The following TMBIM6 variants were observed in gnomAD, a reference collection of about 807,000 sequenced individuals.
TMBIM6 encodes the protein transmembrane BAX inhibitor motif containing 6.
TMBIM6 carries 13 observed loss-of-function variants against 31.4 expected under a neutral mutation model. The observed-to-expected ratio is 0.41, with a 90% confidence interval of 0.27 to 0.66. TMBIM6 has a LOEUF of 0.66. TMBIM6 is among the 30% of genes least tolerant of loss of function. TMBIM6 has a pLI of 0.28. For missense variants in TMBIM6, 275 were observed against 289.5 expected, an observed-to-expected ratio of 0.95 and a Z score of 0.36; for synonymous variants, 85 against 101.7, an observed-to-expected ratio of 0.84 and a Z score of 0.99.
In TMBIM6 at chr12:49,763,694, AT is replaced by A. The variant is rs879062090; in HGVS notation, c.*799del. The A allele has an allele frequency of 2.0e-5, 3 of 152,088 alleles. No homozygotes were observed. Among genetic ancestry groups the A allele is most frequent in the South Asian group, 2.1e-4 (1 of 4,818 alleles). The allele number at this position is 152,088 out of a possible 1,614,324, so 9.4% of individuals were successfully genotyped here. A position where few individuals can be genotyped will look rare whatever the true frequency, so the allele number is the denominator to read the frequency against. On this transcript the variant is annotated 3_prime_UTR_variant, in exon 10 of 10. Coordinates refer to ENST00000267115, the MANE Select transcript of TMBIM6 (RefSeq NM_003217.3). Reference sequence around the variant, plus strand: ...CCTGTTTTTGTTTTTTTAGTTTGTTATCCCCTTACTGAGCGGCCTCTACTAG... The same window carrying A: ...CCTGTTTTTGTTTTTTTAGTTTGTTACCCCTTACTGAGCGGCCTCTACTAG...
intron 1 of TMBIM6, among the ~76,000 whole-genome samples, chr12:49,748,961 ACTGAATATAATACTTCAAGCTCTTAAGAG>A (rs901052261): frequency 6.6e-6 from 1 of 152,216 alleles, no homozygotes; most frequent in African/African-American, 2.4e-5. Context: ...GGTTAATGGT[ACTGAATATAATACTTCAAGCTCTTAAGAG>A]CTGATTGCTC....
chr12:49,755,789 G>A, intron 4 of TMBIM6, 34 bp downstream of exon 4: 2 of 1,595,818 alleles, frequency 1.3e-6, no homozygotes, highest in Non-Finnish European at 8.5e-7. Context: ...TTTGAGGGGT[G>A]AGCTATATTT....
intron 1 of TMBIM6, chr12:49,742,450 G>A: frequency 1.1e-6 from 1 of 931,828 alleles, no homozygotes; most frequent in Non-Finnish European, 1.5e-6. Context: ...TTACTACCCG[G>A]TGCCAGCCCG....
intron 1 of TMBIM6, chr12:49,741,890 G>A (rs903315236): frequency 3.6e-6 from 2 of 561,094 alleles, no homozygotes; most frequent in East Asian, 3.6e-5. Flanking sequence ...GCCCCAGAGC[G>A]CTGGCGAAGG....
chr12:49,755,648 C>T lies in TMBIM6; in HGVS notation c.179C>T (p.Ser60Phe), dbSNP rs1223020015. 1 of 1,613,918 alleles carries T rather than the reference C, an allele frequency of 6.2e-7. No individual in the cohort carries two copies. Among genetic ancestry groups the T allele is most frequent in the African/African-American group, 1.3e-5 (1 of 75,020 alleles). Residue 60 changes from serine to phenylalanine, a missense_variant, in exon 4 of 10, where the codon TCT (serine) becomes TTT (phenylalanine). By Grantham distance (155) the Ser-to-Phe change is radical. Transcript: ENST00000267115. ...TGACTCTAACAGGCTGGCCTGCTGT[C>T]TGCCTTGGGCTCCCTGATATTGATG... ...VTHFIQAGLL[S>F]ALGSLILMIW...
chr12:49,747,701 A>C (rs1945421663), intron 1 of TMBIM6, among the ~76,000 whole-genome samples: 1 of 152,146 alleles, frequency 6.6e-6, no homozygotes, highest in African/African-American at 2.4e-5. Flanking sequence ...TAAATGTGCG[A>C]ACAGTGTTTC....
Position 49,752,961 on chromosome 12 carries a change from T to C in TMBIM6, c.57-12T>C, listed in dbSNP as rs988105626. 6.2e-7 allele frequency: 1 copy of C among 1,612,300 alleles called. No individual in the cohort carries two copies. Among genetic ancestry groups the C allele is most frequent in the Non-Finnish European group, 8.5e-7 (1 of 1,179,162 alleles). On this transcript the variant is annotated splice_polypyrimidine_tract_variant and intron_variant, in intron 2 of 9. Coordinates refer to ENST00000267115, the MANE Select transcript of TMBIM6 (RefSeq NM_003217.3). ...CTGGGACTGATTGCTCTTATTCACA[T>C]TCTTTTCTTAGAACCCCGTCAACGC...
At chr12:49,759,127 G>C in intron 7 of TMBIM6, 94 bp from the exon 8 acceptor site, 1 of 1,040,518 alleles carries the variant, frequency 9.6e-7, no homozygotes, top group East Asian at 2.4e-5. Context: ...CACATTTGAT[G>C]TACTTTCAAG....
At chr12:49,755,837 C>CTTTTTTTTTCT (rs1945580767) in intron 4 of TMBIM6, 82 bp downstream of exon 4, 3 of 1,125,166 alleles carry the variant, frequency 2.7e-6, no homozygotes, top group Middle Eastern at 5.7e-4. Context: ...CTTTTTTTTT[C>CTTTTTTTTTCT]TTTTTTTTTT....
intron 1 of TMBIM6, among the ~76,000 whole-genome samples, chr12:49,751,489 G>A (rs1253906880): frequency 6.6e-6 from 1 of 152,002 alleles, no homozygotes; most frequent in African/African-American, 2.4e-5. Flanking sequence ...CCTTTCTGTA[G>A]GAAAGGTTCT....
At chr12:49,744,962 CT>C (rs1484040969) in intron 1 of TMBIM6, among the ~76,000 whole-genome samples, 1 of 152,174 alleles carries the variant, frequency 6.6e-6, no homozygotes, top group Non-Finnish European at 1.5e-5. Context: ...AAATAATTTA[CT>C]GAAGGCAGTA....
intron 3 of TMBIM6, 85 bp from the exon 4 acceptor site, chr12:49,755,550 A>G: frequency 6.6e-7 from 1 of 1,511,002 alleles, no homozygotes. Flanking sequence ...AGTTCAGACG[A>G]GTGTTTGAAC....
chr12:49,762,073 A>T, intron 9 of TMBIM6: 2 of 344,374 alleles, frequency 5.8e-6, no homozygotes, highest in Non-Finnish European at 1.1e-5. Context: ...GTTGTGACTC[A>T]GAGAAAGGTA....
chr12:49,751,469 A>G (rs1486512519), intron 1 of TMBIM6, among the ~76,000 whole-genome samples: 1 of 152,128 alleles, frequency 6.6e-6, no homozygotes, highest in Non-Finnish European at 1.5e-5. Flanking sequence ...AATTCTTTGT[A>G]CTGTTCTAAC....
At chr12:49,762,849 T>C (rs1945745849) in intron 9 of TMBIM6, 24 bp from the exon 10 acceptor site, 1 of 1,610,884 alleles carries the variant, frequency 6.2e-7, no homozygotes, top group African/African-American at 1.3e-5. Context: ...AAAAATTAAT[T>C]GGGTGATTTT....
At chr12:49,756,807 G>T (rs1945607044) in intron 4 of TMBIM6, among the ~76,000 whole-genome samples, 2 of 151,556 alleles carry the variant, frequency 1.3e-5, no homozygotes, top group Non-Finnish European at 2.9e-5. Flanking sequence ...CACGATCTTG[G>T]CTCACTGCAG....
intron 8 of TMBIM6, among the ~76,000 whole-genome samples, chr12:49,761,224 C>A (rs553812853): frequency 6.6e-6 from 1 of 152,044 alleles, no homozygotes; most frequent in African/African-American, 2.4e-5. Context: ...GAGTTCAGAG[C>A]GCTTGAGACA....
rs187418826 is a variant in TMBIM6, at chr12:49,761,082, C to T, written c.615-622C>T. Among the ~76,000 whole-genome samples, 709 of 151,818 alleles carry T rather than the reference C, an allele frequency of 4.7e-3. 1 individual carries two copies. Among genetic ancestry groups the T allele is most frequent in the African/African-American group, 7.4e-3 (307 of 41,408 alleles). ...TCAAACTCCTGACTCAGGTGATGCC[C>T]GCCTCAGCCTTCCAAAGTGCTGGGA... On this transcript the variant is annotated intron_variant, in intron 8 of 9. Transcript: ENST00000267115.
intron 3 of TMBIM6, among the ~76,000 whole-genome samples, chr12:49,754,623 A>G (rs1221035131): frequency 2.0e-5 from 3 of 152,196 alleles, no homozygotes; most frequent in Non-Finnish European, 4.4e-5. Flanking sequence ...GTGATTTTAT[A>G]ACATAAACAC....
Sources: allele counts gnomAD v4.1 joint callset (sites outside exome capture counted in the v4.1 genomes callset), GRCh38; gene constraint gnomAD v4.1.1; transcripts MANE v1.5; gene names NCBI Gene and HGNC (gene_info 2026-07-23, HGNC 2026-07-21).